LMBRD1: variants seen among roughly 807,000 people sequenced by gnomAD.
LMBRD1 encodes the protein lysosomal cobalamin transport escort protein LMBD1.
Under a neutral mutation model 74.8 loss-of-function variants are expected in LMBRD1, and 64 were observed. The ratio of observed to expected loss-of-function variants is 0.86; its 90% CI spans 0.70 to 1.05. The LOEUF is 1.05. Among genes scored for constraint, LMBRD1 ranks in the 50% least tolerant of loss-of-function variants. The probability of loss-of-function intolerance (pLI) is 0.00; values close to 1 mark genes in which losing one functional copy is unlikely to be tolerated. For missense variants in LMBRD1, 652 were observed against 645.9 expected (o/e 1.01, Z -0.10); for synonymous variants, 204 against 216.3 (o/e 0.94, Z 0.50).
At chr6:69,769,286 A>T (rs866408352) in intron 3 of LMBRD1, among the ~76,000 whole-genome samples, 2 of 151,578 alleles carry the variant, frequency 1.3e-5, no homozygotes, top group South Asian at 2.1e-4. Flanking sequence ...CTCTGGTAAG[A>T]CCCTCTAGTA....
intron 14 of LMBRD1, among the ~76,000 whole-genome samples, chr6:69,695,936 C>A (rs189392917): frequency 2.0e-5 from 3 of 151,944 alleles, no homozygotes; most frequent in Admixed American, 2.0e-4. Context: ...TTCCACCTCC[C>A]AGGTTCAAAT....
At chr6:69,726,015 A>G (rs1318843848) in intron 7 of LMBRD1, among the ~76,000 whole-genome samples, 3 of 152,192 alleles carry the variant, frequency 2.0e-5, no homozygotes, top group Admixed American at 6.5e-5. Context: ...CAAAATATAT[A>G]AGGAGCTCAA....
intron 4 of LMBRD1, among the ~76,000 whole-genome samples, chr6:69,749,894 T>C (rs1321697802): frequency 8.6e-6 from 1 of 115,748 alleles, no homozygotes; most frequent in African/African-American, 5.8e-5. Flanking sequence ...ATATACATAC[T>C]CATATATACA....
intron 3 of LMBRD1, among the ~76,000 whole-genome samples, chr6:69,772,387 T>C (rs189459432): frequency 6.0e-4 from 91 of 152,222 alleles, no homozygotes; most frequent in Non-Finnish European, 9.9e-4. Context: ...CAAGAACATA[T>C]GTCTCAATCT....
chr6:69,777,223 G>A (rs999454449), intron 3 of LMBRD1, among the ~76,000 whole-genome samples: 7 of 151,940 alleles, frequency 4.6e-5, no homozygotes, highest in Non-Finnish European at 5.9e-5. Context: ...AGGCTGAGGC[G>A]GGAGGATCAC....
Position 69,749,390 on chromosome 6 carries a change from T to C in LMBRD1, c.424A>G (p.Lys142Glu). ...ATCACAACAAATCCCAAAGTATACT[T>C]GAGTGCCGTTTTAATTTGCTAGATG... ...SKCTQIKTAL[K>E]YTLGFVVICA... The change falls in exon 5 of 16, where the codon AAG (lysine) becomes GAG (glutamate). Residue 142 changes from lysine (K) to glutamate (E), a missense_variant. Coordinates refer to ENST00000649934, the MANE Select transcript of LMBRD1 (RefSeq NM_018368.4). 5 of 1,612,700 alleles carry C rather than the reference T, an allele frequency of 3.1e-6. No individual in the cohort carries two copies. Among genetic ancestry groups the C allele is most frequent in the Non-Finnish European group, 4.2e-6 (5 of 1,179,066 alleles).
intron 3 of LMBRD1, among the ~76,000 whole-genome samples, chr6:69,762,456 C>CA (rs148940523): frequency 0.15 from 19,285 of 132,456 alleles, 1,337 homozygotes; most frequent in Admixed American, 0.19. Context: ...TACCAAAAAA[C>CA]AAAAAAAAAA....
chr6:69,701,240 A>G (rs1342708525), intron 11 of LMBRD1, among the ~76,000 whole-genome samples: 2 of 151,842 alleles, frequency 1.3e-5, no homozygotes, highest in Non-Finnish European at 3.0e-5. Flanking sequence ...GAATATATCA[A>G]TATGATATTT....
intron 7 of LMBRD1, among the ~76,000 whole-genome samples, chr6:69,724,085 C>T (rs1340287609): frequency 6.6e-6 from 1 of 151,858 alleles, no homozygotes. Flanking sequence ...TAGACACATA[C>T]AACCTACCAA....
chr6:69,675,411 T>A lies in LMBRD1; in HGVS notation c.*747A>T, dbSNP rs560774014. On this transcript the variant is annotated 3_prime_UTR_variant, in exon 16 of 16. Transcript: ENST00000649934. ...TCTAAAACCAAAATATGATGCCATATATCTTAAATTAATCCATAAACTGAT... is the reference window on the plus strand; with the variant it reads ...TCTAAAACCAAAATATGATGCCATAAATCTTAAATTAATCCATAAACTGAT... 6.6e-6 allele frequency among the ~76,000 whole-genome samples: 1 copy of A among 151,394 alleles called. No homozygotes were observed. Among genetic ancestry groups the A allele is most frequent in the African/African-American group, 2.5e-5 (1 of 40,708 alleles).
chr6:69,745,792 T>C (rs1027040981), intron 5 of LMBRD1: 1 of 152,606 alleles, frequency 6.6e-6, no homozygotes, highest in Non-Finnish European at 1.5e-5. Flanking sequence ...TAAAAATTCA[T>C]ATGTTGCTGG....
chr6:69,739,372 C>A (rs760887996), intron 6 of LMBRD1, among the ~76,000 whole-genome samples: 16 of 151,898 alleles, frequency 1.1e-4, no homozygotes, highest in Non-Finnish European at 2.2e-4. Flanking sequence ...AAGATGCATT[C>A]TCTTTATATA....
chr6:69,697,602 G>C lies in LMBRD1; in HGVS notation c.1378C>G (p.Leu460Val). The C allele has an allele frequency of 6.2e-7, 1 of 1,606,816 alleles. No homozygotes were observed. The highest frequency in any genetic ancestry group is 8.5e-7 in the Non-Finnish European group (1 of 1,174,198). Residue 460 changes from leucine to valine, a missense_variant, in exon 14 of 16, where the codon CTT (leucine) becomes GTT (valine). By Grantham distance (32) the Leu-to-Val change is conservative (BLOSUM62 1). Coordinates refer to ENST00000649934, the MANE Select transcript of LMBRD1 (RefSeq NM_018368.4). ...TSDNHKGNST[L>V]SVPKRCDADA... ...GCATCACATCTCTTTGGCACAGAAA[G>C]GGTTGAATTGCCTTTATGATTATCA...
chr6:69,742,809 T>TA (rs1314100645), intron 5 of LMBRD1, among the ~76,000 whole-genome samples: 33 of 152,106 alleles, frequency 2.2e-4, no homozygotes, highest in Non-Finnish European at 4.4e-5. Context: ...TCTTTTTAAT[T>TA]AAAAAAATCC....
At position 69,790,401 on chromosome 6, in the gene LMBRD1, G is replaced by A; in HGVS notation, c.141C>T (p.Thr47=). 1 of 1,613,916 alleles carries A rather than the reference G, an allele frequency of 6.2e-7. No homozygotes were observed. The highest frequency in any genetic ancestry group is 1.1e-5 in the South Asian group (1 of 91,068). ...QSRRESEVVS[T]ITAIFSLAIA... ...TTGCTAGAGAAAAAATTGCTGTTAT[G>A]GTGGAGACAACTTCACTTTCCCGCC... The change falls in exon 2 of 16, where the codon ACC becomes ACT. Residue 47 remains threonine (T), a synonymous_variant. Coordinates refer to ENST00000649934, the MANE Select transcript of LMBRD1 (RefSeq NM_018368.4).
intron 3 of LMBRD1, among the ~76,000 whole-genome samples, chr6:69,768,266 T>G (rs1765509189): frequency 6.6e-6 from 1 of 151,956 alleles, no homozygotes. Context: ...TCTCCTTTAC[T>G]ACCTTATTTT....
chr6:69,742,614 T>C (rs1767128107), intron 5 of LMBRD1, among the ~76,000 whole-genome samples: 1 of 152,136 alleles, frequency 6.6e-6, no homozygotes, highest in Admixed American at 6.5e-5. Context: ...GTTGTATATG[T>C]GTAGGAACAA....
chr6:69,687,248 C>T (rs2149837748), intron 14 of LMBRD1, among the ~76,000 whole-genome samples: 1 of 152,268 alleles, frequency 6.6e-6, no homozygotes, highest in South Asian at 2.1e-4. Flanking sequence ...GTCATGTCAC[C>T]TTCCCAGTAA....
At chr6:69,693,395 CATAT>C (rs997901453) in intron 14 of LMBRD1, among the ~76,000 whole-genome samples, 1 of 151,898 alleles carries the variant, frequency 6.6e-6, no homozygotes, top group Non-Finnish European at 1.5e-5. Flanking sequence ...CAGATCGCCT[CATAT>C]ATAAACAATA....
Sources: allele counts gnomAD v4.1 joint callset (sites outside exome capture counted in the v4.1 genomes callset), GRCh38; gene constraint gnomAD v4.1.1; transcripts MANE v1.5; gene names NCBI Gene and HGNC (gene_info 2026-07-23, HGNC 2026-07-21).